The following GABBR2 variants were observed in gnomAD, a reference collection of about 807,000 sequenced individuals.
GABBR2 encodes gamma-aminobutyric acid type B receptor subunit 2, also known as G-protein coupled receptor 51.
GABBR2 carries 23 observed loss-of-function variants against 105.6 expected under a neutral mutation model. The ratio of observed to expected loss-of-function variants is 0.22; its 90% CI spans 0.16 to 0.31. GABBR2 has a LOEUF of 0.31. GABBR2 is among the 10% of genes least tolerant of loss of function. GABBR2 has a pLI of 1.00. For synonymous variants in GABBR2, 478 were observed against 499.7 expected (o/e 0.96, Z 0.58); for missense variants, 734 against 1,245.5 (o/e 0.59, Z 6.18).
chr9:98,399,284 G>A (rs10115570), intron 8 of GABBR2, among the ~76,000 whole-genome samples: 19,583 of 150,936 alleles, frequency 0.13, 1,491 homozygotes, highest in African/African-American at 0.2. Flanking sequence ...AACCTGGGAC[G>A]GATGTTGCAG....
intron 6 of GABBR2, among the ~76,000 whole-genome samples, chr9:98,470,855 T>A (rs1166447093): frequency 6.6e-6 from 1 of 152,184 alleles, no homozygotes; most frequent in African/African-American, 2.4e-5. Flanking sequence ...TGATTACCGA[T>A]GTATCTGGCA....
chr9:98,590,579 T>G (rs745333772), intron 1 of GABBR2, among the ~76,000 whole-genome samples: 53 of 152,278 alleles, frequency 3.5e-4, no homozygotes, highest in Non-Finnish European at 1.6e-4. Context: ...GTACTCGGGC[T>G]GCCGATCAGG....
intron 9 of GABBR2, among the ~76,000 whole-genome samples, chr9:98,393,701 G>A (rs1421071571): frequency 6.6e-6 from 1 of 152,246 alleles, no homozygotes; most frequent in Non-Finnish European, 1.5e-5. Context: ...TGGAAGCAAA[G>A]AGAAGGGAGT....
At chr9:98,644,073 G>T (rs1316184042) in intron 1 of GABBR2, among the ~76,000 whole-genome samples, 1 of 152,216 alleles carries the variant, frequency 6.6e-6, no homozygotes, top group East Asian at 1.9e-4. Flanking sequence ...GCCACCTGTT[G>T]TCTCTCCCTC....
intron 1 of GABBR2, among the ~76,000 whole-genome samples, chr9:98,578,663 G>A (rs1378608657): frequency 1.3e-5 from 2 of 152,140 alleles, no homozygotes; most frequent in Non-Finnish European, 2.9e-5. Flanking sequence ...GTACACCCAT[G>A]TTCATAGCAG....
At chr9:98,395,862 G>A (rs1446438924) in intron 8 of GABBR2, among the ~76,000 whole-genome samples, 1 of 152,178 alleles carries the variant, frequency 6.6e-6, no homozygotes, top group Non-Finnish European at 1.5e-5. Context: ...GAATGGTGGG[G>A]AGCAGGTAGG....
intron 6 of GABBR2, among the ~76,000 whole-genome samples, chr9:98,455,691 G>GT (rs1826313722): frequency 6.6e-6 from 1 of 152,232 alleles, no homozygotes; most frequent in African/African-American, 2.4e-5. Context: ...CATGTCTAGT[G>GT]TTTTTAAGGA....
rs185843820 is a variant in GABBR2, at chr9:98,475,592, T to A, written c.799-2246A>T. Among the ~76,000 whole-genome samples the A allele has an allele frequency of 1.7e-3, 264 of 152,368 alleles. 1 individual carries two copies. The highest frequency in any genetic ancestry group is 7.3e-3 in the East Asian group (38 of 5,186). On this transcript the variant is annotated intron_variant, in intron 5 of 18. Transcript: ENST00000259455. ...CTACCCTATGAGGTATGCACTATTA[T>A]CTAAATTTTATAGATGAAATTTTCT...
At chr9:98,629,006 A>G (rs1237126595) in intron 1 of GABBR2, among the ~76,000 whole-genome samples, 1 of 152,192 alleles carries the variant, frequency 6.6e-6, no homozygotes, top group Non-Finnish European at 1.5e-5. Flanking sequence ...TTGTTACCAA[A>G]TTTGAAACGA....
At chr9:98,308,190 T>C (rs767620935) in intron 14 of GABBR2, among the ~76,000 whole-genome samples, 1 of 152,164 alleles carries the variant, frequency 6.6e-6, no homozygotes. Context: ...GCAGAGATCC[T>C]ATCAGCCATG....
intron 3 of GABBR2, among the ~76,000 whole-genome samples, chr9:98,517,368 CAA>C (rs1418766482): frequency 7.2e-5 from 11 of 152,300 alleles, no homozygotes; most frequent in Admixed American, 5.2e-4. Flanking sequence ...TGCTGAGCCC[CAA>C]GAGAGTCCCT....
At chr9:98,371,747 T>C (rs1456849057) in intron 11 of GABBR2, among the ~76,000 whole-genome samples, 176 bp from the exon 12 acceptor site, 1 of 152,218 alleles carries the variant, frequency 6.6e-6, no homozygotes, top group Non-Finnish European at 1.5e-5. Flanking sequence ...CATTTAGTTC[T>C]ATCAGCCACT....
In GABBR2 at chr9:98,486,882, C is replaced by A. The variant is rs1003386611; in HGVS notation, c.733-5885G>T. ...CTCTGACAAACTGATCCCATACCCA[C>A]AATGAGTAGTCCCTTTTATTTAGCT... On this transcript the variant is annotated intron_variant, in intron 4 of 18. Transcript: ENST00000259455. Among the ~76,000 whole-genome samples the A allele has an allele frequency of 1.2e-4, 18 of 152,288 alleles. No homozygotes were observed. The South Asian group carries it at 3.7e-3, about 32-fold the overall frequency.
chr9:98,477,061 G>T (rs993652629), intron 5 of GABBR2, among the ~76,000 whole-genome samples: 2 of 152,270 alleles, frequency 1.3e-5, no homozygotes, highest in East Asian at 3.9e-4. Flanking sequence ...TTTTAACTAG[G>T]CACTGGTATG....
At chr9:98,316,442 G>A (rs1422466337) in intron 13 of GABBR2, among the ~76,000 whole-genome samples, 1 of 152,216 alleles carries the variant, frequency 6.6e-6, no homozygotes, top group East Asian at 1.9e-4. Flanking sequence ...GTGAGCCGCT[G>A]CACCCGGCCA....
chr9:98,476,303 T>C (rs567922119), intron 5 of GABBR2, among the ~76,000 whole-genome samples: 3 of 152,358 alleles, frequency 2.0e-5, no homozygotes, highest in East Asian at 3.9e-4. Flanking sequence ...AAACAGAAGC[T>C]TATTCCATTT....
intron 7 of GABBR2, among the ~76,000 whole-genome samples, chr9:98,413,390 G>A (rs1341151123): frequency 6.6e-6 from 1 of 152,164 alleles, no homozygotes; most frequent in Non-Finnish European, 1.5e-5. Context: ...ATATAAAAGA[G>A]AGAGAGAGAA....
intron 7 of GABBR2, among the ~76,000 whole-genome samples, chr9:98,416,376 T>C (rs1832689944): frequency 6.6e-6 from 1 of 152,214 alleles, no homozygotes; most frequent in Non-Finnish European, 1.5e-5. Context: ...AAGGGGCTTG[T>C]GCCAAATATT....
intron 7 of GABBR2, among the ~76,000 whole-genome samples, chr9:98,423,192 C>A (rs990576630): frequency 6.6e-6 from 1 of 152,234 alleles, no homozygotes; most frequent in African/African-American, 2.4e-5. Context: ...GCCGCACTGA[C>A]TTCCACAATG....
Sources: gnomAD v4.1 joint callset for allele counts (sites outside exome capture counted in the v4.1 genomes callset) on GRCh38, gnomAD v4.1.1 for gene constraint, MANE v1.5 for transcripts, NCBI Gene and HGNC (gene_info 2026-07-23, HGNC 2026-07-21) for gene names.